The following CYP8B1 variants were observed in gnomAD, a reference collection of about 807,000 sequenced individuals.
CYP8B1 encodes 7-alpha-hydroxycholest-4-en-3-one 12-alpha-hydroxylase.
For synonymous variants in CYP8B1, 221 were observed against 251.2 expected (o/e 0.88, Z 1.14); for missense variants, 594 against 643.7 (o/e 0.92, Z 0.84).
chr3:42,874,214 G>T lies in CYP8B1; in HGVS notation c.*97C>A. 9.5e-7 allele frequency: 1 copy of T among 1,052,886 alleles called. No individual in the cohort carries two copies. Among genetic ancestry groups the T allele is most frequent in the Admixed American group, 2.3e-5 (1 of 44,252 alleles). 65.2% of individuals were successfully genotyped at this position (1,052,886 alleles called of 1,614,324 possible). On this transcript the variant is annotated 3_prime_UTR_variant, in exon 1 of 1. Transcript: ENST00000316161. Reference sequence around the variant, plus strand: ...GGGGGTGCCACAGGACCAGAGGGAGGGGTGGCCAGTGGGGTCTTGGGGCTG... The same window carrying T: ...GGGGGTGCCACAGGACCAGAGGGAGTGGTGGCCAGTGGGGTCTTGGGGCTG...
Position 42,874,969 on chromosome 3 carries a change from G to T in CYP8B1, c.848C>A (p.Ser283Tyr), listed in dbSNP as rs2125630805. The T allele has an allele frequency of 2.5e-6, 4 of 1,613,748 alleles. No individual in the cohort carries two copies. Among genetic ancestry groups the T allele is most frequent in the Non-Finnish European group, 3.4e-6 (4 of 1,179,884 alleles). ...DKFNFMMLWA[S>Y]QGNTGPTSFW... ...AGAGGTAGGCCCCGTGTTCCCCTGGGAGGCCCAGAGCATCATGAAGTTGAA... is the reference window on the plus strand; with the variant it reads ...AGAGGTAGGCCCCGTGTTCCCCTGGTAGGCCCAGAGCATCATGAAGTTGAA... Residue 283 changes from serine (S) to tyrosine (Y), a missense_variant, in exon 1 of 1, where the codon TCC becomes TAC. Physicochemically the swap from Ser to Tyr is moderately radical, Grantham distance 144. Transcript: ENST00000316161.
Position 42,875,595 on chromosome 3 carries a change from GC to G in CYP8B1, c.221del (p.Gly74AlafsTer24). 2 of 1,507,348 alleles carry G rather than the reference GC, an allele frequency of 1.3e-6. No individual in the cohort carries two copies. Among genetic ancestry groups the G allele is most frequent in the Non-Finnish European group, 1.8e-6 (2 of 1,127,068 alleles). The allele number at this position is 1,507,348 out of a possible 1,614,324, so 93.4% of individuals were successfully genotyped here. A position where few individuals can be genotyped will look rare whatever the true frequency, so the allele number is the denominator to read the frequency against. ...GGTCCATGACGAAGGTGAAGTACTG[GC>G]CCCCTAGCTGCACTGTGAACACATC... Reference protein sequence around the residue: ...HGDVFTVQLGGQYFTFVMDPL... With the variant: ...HGDVFTVQLGXQYFTFVMDPL... On this transcript the variant is annotated frameshift_variant, in exon 1 of 1. Coordinates refer to ENST00000316161, the MANE Select transcript of CYP8B1 (RefSeq NM_004391.3). LOFTEE classifies it low-confidence loss of function (END_TRUNC).
Position 42,875,632 on chromosome 3 carries a change from G to A in CYP8B1, c.185C>T (p.Thr62Ile), listed in dbSNP as rs981654869. ...CACTGTGAACACATCCCCATGCTTGGTCCTCATGCGCTTCAGAAATTCAAA... is the reference window on the plus strand; with the variant it reads ...CACTGTGAACACATCCCCATGCTTGATCCTCATGCGCTTCAGAAATTCAAA... ...NMFEFLKRMRTKHGDVFTVQL... is the reference protein window; with the variant it reads ...NMFEFLKRMRIKHGDVFTVQL... Residue 62 changes from threonine (T) to isoleucine (I), a missense_variant, in exon 1 of 1, where the codon ACC (threonine) becomes ATC (isoleucine). Coordinates refer to ENST00000316161, the MANE Select transcript of CYP8B1 (RefSeq NM_004391.3). 2 of 1,483,318 alleles carry A rather than the reference G, an allele frequency of 1.3e-6. No individual in the cohort carries two copies. Among genetic ancestry groups the A allele is most frequent in the South Asian group, 3.0e-5 (2 of 67,736 alleles). The allele number at this position is 1,483,318 out of a possible 1,614,324, so 91.9% of individuals were successfully genotyped here. A position where few individuals can be genotyped will look rare whatever the true frequency, so the allele number is the denominator to read the frequency against.
At position 42,874,070 on chromosome 3, in the gene CYP8B1, G is replaced by A; in HGVS notation, c.*241C>T. Reference sequence around the variant, plus strand: ...CCCACAGATACTCCCCCTTCCTCTGGACTTCCTGTGAGAGGAGGGTTCGGC... The same window carrying A: ...CCCACAGATACTCCCCCTTCCTCTGAACTTCCTGTGAGAGGAGGGTTCGGC... On this transcript the variant is annotated 3_prime_UTR_variant, in exon 1 of 1. Coordinates refer to ENST00000316161, the MANE Select transcript of CYP8B1 (RefSeq NM_004391.3). 1.9e-6 allele frequency: 1 copy of A among 534,216 alleles called. No homozygotes were observed. The allele number at this position is 534,216 out of a possible 1,614,324, so 33.1% of individuals were successfully genotyped here.
chr3:42,875,491 T>G lies in CYP8B1; in HGVS notation c.326A>C (p.Lys109Thr), dbSNP rs758615772. 6 of 1,560,338 alleles carry G rather than the reference T, an allele frequency of 3.8e-6. No homozygotes were observed. The highest frequency in any genetic ancestry group is 5.2e-6 in the Non-Finnish European group (6 of 1,150,666). ...FGQYAKKLVL[K>T]VFGYRSVQGD... ...TTGCACTGAACGGTATCCAAATACC[T>G]TCAGCACCAGTTTTTTTGCATATTG... Residue 109 changes from lysine (K) to threonine (T), a missense_variant, in exon 1 of 1, where the codon AAG becomes ACG. By Grantham distance (78) the Lys-to-Thr change is moderately conservative. Coordinates refer to ENST00000316161, the MANE Select transcript of CYP8B1 (RefSeq NM_004391.3).
chr3:42,874,144 A>G lies in CYP8B1; in HGVS notation c.*167T>C, dbSNP rs2088495298. On this transcript the variant is annotated 3_prime_UTR_variant, in exon 1 of 1. Transcript: ENST00000316161. Reference sequence around the variant, plus strand: ...TTTTAAAGAGAATGATAAGCCTGTCAGATGACTAGGCGGGGAGAGAGCGAG... The same window carrying G: ...TTTTAAAGAGAATGATAAGCCTGTCGGATGACTAGGCGGGGAGAGAGCGAG... The G allele has an allele frequency of 1.6e-6, 1 of 613,644 alleles. No homozygotes were observed. Among genetic ancestry groups the G allele is most frequent in the Admixed American group, 3.0e-5 (1 of 33,882 alleles). 38.0% of individuals were successfully genotyped at this position (613,644 alleles called of 1,614,324 possible). A position where few individuals can be genotyped will look rare whatever the true frequency, so the allele number is the denominator to read the frequency against.
In CYP8B1 at chr3:42,872,520, T is replaced by C. The variant is rs3732860; in HGVS notation, c.*1791A>G. On this transcript the variant is annotated 3_prime_UTR_variant, in exon 1 of 1. Transcript: ENST00000316161. ...TGGCAAAGTTGAGAAGTTTGGAGAC[T>C]AACCGTGACAAAATTTAAACATCAG... 0.59 allele frequency: 89,898 copies of C among 152,084 alleles called. 27,271 individuals carry two copies. The highest frequency in any genetic ancestry group is 0.81 in the East Asian group (4,200 of 5,156). 9.4% of individuals were successfully genotyped at this position (152,084 alleles called of 1,614,324 possible). A position where few individuals can be genotyped will look rare whatever the true frequency, so the allele number is the denominator to read the frequency against.
At position 42,875,819 on chromosome 3, in the gene CYP8B1, C is replaced by G. The variant is rs1208752543; in HGVS notation, c.-3G>C. ...AGCACTGGACCCCAGAGAACCATGG[C>G]TATGCTCCTGCGGATTAAGCTCTCG... On this transcript the variant is annotated 5_prime_UTR_variant, in exon 1 of 1. Coordinates refer to ENST00000316161, the MANE Select transcript of CYP8B1 (RefSeq NM_004391.3). 2 of 1,355,838 alleles carry G rather than the reference C, an allele frequency of 1.5e-6. No individual in the cohort carries two copies. Among genetic ancestry groups the G allele is most frequent in the African/African-American group, 3.0e-5 (2 of 67,212 alleles). The allele number at this position is 1,355,838 out of a possible 1,614,324, so 84.0% of individuals were successfully genotyped here.
chr3:42,875,460 G>A lies in CYP8B1; in HGVS notation c.357C>T (p.Asp119=). Residue 119 remains aspartate, a synonymous_variant, in exon 1 of 1, where the codon GAC becomes GAT. Coordinates refer to ENST00000316161, the MANE Select transcript of CYP8B1 (RefSeq NM_004391.3). The stretch of plus-strand genomic sequence containing the variant: ...TGCTGGCTGAGTGTATCATCTCATG[G>A]TCCCCTTGCACTGAACGGTATCCAA... ...KVFGYRSVQG[D]HEMIHSASTK... is the part of the protein sequence containing the mutation. 1 of 1,606,810 alleles carries A rather than the reference G, an allele frequency of 6.2e-7. No individual in the cohort carries two copies. Among genetic ancestry groups the A allele is most frequent in the South Asian group, 1.1e-5 (1 of 90,356 alleles).
At position 42,875,641 on chromosome 3, in the gene CYP8B1, C is replaced by A. The variant is rs961639006; in HGVS notation, c.176G>T (p.Arg59Leu). The change falls in exon 1 of 1, where the codon CGC (arginine) becomes CTC (leucine). Residue 59 changes from arginine (R) to leucine (L), a missense_variant. Coordinates refer to ENST00000316161, the MANE Select transcript of CYP8B1 (RefSeq NM_004391.3). ...CACATCCCCATGCTTGGTCCTCATGCGCTTCAGAAATTCAAACATATTCTT... is the reference window on the plus strand; with the variant it reads ...CACATCCCCATGCTTGGTCCTCATGAGCTTCAGAAATTCAAACATATTCTT... ...FRKNMFEFLK[R>L]MRTKHGDVFT... 2 of 1,481,152 alleles carry A rather than the reference C, an allele frequency of 1.4e-6. No homozygotes were observed. Among genetic ancestry groups the A allele is most frequent in the South Asian group, 1.5e-5 (1 of 67,088 alleles). 91.8% of individuals were successfully genotyped at this position (1,481,152 alleles called of 1,614,324 possible).
Position 42,874,230 on chromosome 3 carries a change from C to T in CYP8B1, c.*81G>A, listed in dbSNP as rs1050988231. ...CAGAGGGAGGGGTGGCCAGTGGGGT[C>T]TTGGGGCTGCAGAGGGGTGAGAACA... On this transcript the variant is annotated 3_prime_UTR_variant, in exon 1 of 1. Coordinates refer to ENST00000316161, the MANE Select transcript of CYP8B1 (RefSeq NM_004391.3). The T allele has an allele frequency of 5.2e-6, 7 of 1,347,224 alleles. No homozygotes were observed. Among genetic ancestry groups the T allele is most frequent in the Admixed American group, 2.0e-5 (1 of 50,844 alleles). The allele number at this position is 1,347,224 out of a possible 1,614,324, so 83.5% of individuals were successfully genotyped here. A position where few individuals can be genotyped will look rare whatever the true frequency, so the allele number is the denominator to read the frequency against.
Position 42,874,651 on chromosome 3 carries a change from G to A in CYP8B1, c.1166C>T (p.Ser389Leu). The change falls in exon 1 of 1, where the codon TCA (serine) becomes TTA (leucine). Residue 389 changes from serine (S) to leucine (L), a missense_variant. Coordinates refer to ENST00000316161, the MANE Select transcript of CYP8B1 (RefSeq NM_004391.3). Reference sequence around the variant, plus strand: ...GTGGATGTCAGGGTCCATGTGCACTGAGAGGTAGGGAAAGAGGGCCAGGAT... The same window carrying A: ...GTGGATGTCAGGGTCCATGTGCACTAAGAGGTAGGGAAAGAGGGCCAGGAT... Reference protein sequence around the residue: ...GDILALFPYLSVHMDPDIHPE... With the variant: ...GDILALFPYLLVHMDPDIHPE... The A allele has an allele frequency of 1.2e-6, 2 of 1,614,092 alleles. No individual in the cohort carries two copies. The highest frequency in any genetic ancestry group is 1.7e-6 in the Non-Finnish European group (2 of 1,180,018).
chr3:42,875,409 C>T lies in CYP8B1; in HGVS notation c.408G>A (p.Leu136=), dbSNP rs1340705605. Residue 136 remains leucine, a synonymous_variant, in exon 1 of 1, where the codon TTG becomes TTA. Transcript: ENST00000316161. ...ASTKHLRGDG[L]KDLNETMLDS... ...CCAGCATGGTCTCATTAAGATCCTTCAAGCCATCCCCCCTCAGATGCTTGG... is the reference window on the plus strand; with the variant it reads ...CCAGCATGGTCTCATTAAGATCCTTTAAGCCATCCCCCCTCAGATGCTTGG... 4 of 1,613,820 alleles carry T rather than the reference C, an allele frequency of 2.5e-6. No homozygotes were observed. The highest frequency in any genetic ancestry group is 3.4e-6 in the Non-Finnish European group (4 of 1,179,824).
Position 42,874,508 on chromosome 3 carries a change from C to T in CYP8B1, c.1309G>A (p.Val437Ile), listed in dbSNP as rs140045753. The change falls in exon 1 of 1, where the codon GTT becomes ATT. Residue 437 changes from valine to isoleucine, a missense_variant. Transcript: ENST00000316161. ...HHYTMPWGSG[V>I]SICPGRFFAL... ...AAGAACCTCCCAGGGCAGATGGAAA[C>T]GCCCGAACCCCAGGGCATGGTGTAG... The T allele has an allele frequency of 1.1e-4, 183 of 1,614,114 alleles. No individual in the cohort carries two copies. The African/African-American group carries it at 1.3e-3, about 11-fold the overall frequency.
Position 42,875,634 on chromosome 3 carries a change from C to T in CYP8B1, c.183G>A (p.Arg61=), listed in dbSNP as rs928887287. 9 of 1,483,912 alleles carry T rather than the reference C, an allele frequency of 6.1e-6. No individual in the cohort carries two copies. The highest frequency in any genetic ancestry group is 2.4e-5 in the Admixed American group (1 of 40,980). The allele number at this position is 1,483,912 out of a possible 1,614,324, so 91.9% of individuals were successfully genotyped here. The change falls in exon 1 of 1, where the codon AGG becomes AGA. Residue 61 remains arginine, a synonymous_variant. Transcript: ENST00000316161. ...CTGTGAACACATCCCCATGCTTGGT[C>T]CTCATGCGCTTCAGAAATTCAAACA... ...KNMFEFLKRM[R]TKHGDVFTVQ...
In CYP8B1 at chr3:42,875,514, T is replaced by C. The variant is rs769398959; in HGVS notation, c.303A>G (p.Gln101=). The change falls in exon 1 of 1, where the codon CAA becomes CAG. Residue 101 remains glutamine (Q), a synonymous_variant. Coordinates refer to ENST00000316161, the MANE Select transcript of CYP8B1 (RefSeq NM_004391.3). The part of the protein sequence containing the change: ...KDTQRKLDFG[Q]YAKKLVLKVF... ...CCTTCAGCACCAGTTTTTTTGCATATTGCCCAAAGTCTAGTTTTCTCTGTG... is the reference window on the plus strand; with the variant it reads ...CCTTCAGCACCAGTTTTTTTGCATACTGCCCAAAGTCTAGTTTTCTCTGTG... The C allele has an allele frequency of 5.4e-5, 83 of 1,543,176 alleles. No individual in the cohort carries two copies. The East Asian group carries it at 1.8e-3, about 34-fold the overall frequency.
rs772876185 is a variant in CYP8B1, at chr3:42,875,446, T to C, written c.371A>G (p.His124Arg). Reference sequence around the variant, plus strand: ...CCTCAGATGCTTGGTGCTGGCTGAGTGTATCATCTCATGGTCCCCTTGCAC... The same window carrying C: ...CCTCAGATGCTTGGTGCTGGCTGAGCGTATCATCTCATGGTCCCCTTGCAC... ...RSVQGDHEMIHSASTKHLRGD... is the reference protein window; with the variant it reads ...RSVQGDHEMIRSASTKHLRGD... Residue 124 changes from histidine (H) to arginine (R), a missense_variant, in exon 1 of 1, where the codon CAC (histidine) becomes CGC (arginine). Transcript: ENST00000316161. 1.4e-5 allele frequency: 22 copies of C among 1,609,674 alleles called. No homozygotes were observed. The highest frequency in any genetic ancestry group is 1.7e-5 in the Non-Finnish European group (20 of 1,177,488).
In CYP8B1 at chr3:42,875,358, C is replaced by T. The variant is rs777771086; in HGVS notation, c.459G>A (p.Thr153=). The change falls in exon 1 of 1, where the codon ACG becomes ACA. Residue 153 remains threonine, a synonymous_variant. Coordinates refer to ENST00000316161, the MANE Select transcript of CYP8B1 (RefSeq NM_004391.3). ...MLDSLSFVML[T]SKGWSLDASC... is the part of the protein sequence containing the mutation. ...TGGCATCCAGACTCCAGCCTTTGGA[C>T]GTCAGCATTACAAAGGACAGGCTGT... 1.4e-5 allele frequency: 23 copies of T among 1,613,978 alleles called. No individual in the cohort carries two copies. Among genetic ancestry groups the T allele is most frequent in the East Asian group, 2.2e-5 (1 of 44,894 alleles).
chr3:42,875,415 AT>A lies in CYP8B1; in HGVS notation c.401del (p.Asp134ValfsTer3). 27 of 1,613,828 alleles carry A rather than the reference AT, an allele frequency of 1.7e-5. No homozygotes were observed. The highest frequency in any genetic ancestry group is 2.3e-5 in the Non-Finnish European group (27 of 1,179,726). On this transcript the variant is annotated frameshift_variant, in exon 1 of 1. Coordinates refer to ENST00000316161, the MANE Select transcript of CYP8B1 (RefSeq NM_004391.3). LOFTEE classifies it low-confidence loss of function (END_TRUNC). ...HSASTKHLRG[D>X]GLKDLNETML... Reference sequence around the variant, plus strand: ...TGGTCTCATTAAGATCCTTCAAGCCATCCCCCCTCAGATGCTTGGTGCTGGC... The same window carrying A: ...TGGTCTCATTAAGATCCTTCAAGCCACCCCCCTCAGATGCTTGGTGCTGGC...
Sources: allele counts gnomAD v4.1 joint callset, GRCh38; gene constraint gnomAD v4.1.1; transcripts MANE v1.5; gene names NCBI Gene and HGNC (gene_info 2026-07-23, HGNC 2026-07-21).